SYNDIG1L: variants seen among roughly 807,000 people sequenced by gnomAD.
SYNDIG1L encodes the protein synapse differentiation-inducing gene protein 1-like.
Under a neutral mutation model 20.1 loss-of-function variants are expected in SYNDIG1L, and 13 were observed. The ratio of observed to expected loss-of-function variants is 0.65; its 90% CI spans 0.42 to 1.03. The LOEUF (loss-of-function observed/expected upper bound fraction) is 1.03. SYNDIG1L is among the 50% of genes least tolerant of loss of function. SYNDIG1L has a pLI of 0.00. For missense variants in SYNDIG1L, 294 were observed against 305.1 expected, an observed-to-expected ratio of 0.96 and a Z score of 0.27; for synonymous variants, 128 against 129.3, an observed-to-expected ratio of 0.99 and a Z score of 0.07.
At chr14:74,460,642 T>C in the SYNDIG1L span, among the ~76,000 whole-genome samples, 3 of 152,288 alleles carry the variant, frequency 2.0e-5, no homozygotes, top group African/African-American at 7.2e-5. Flanking sequence ...CCTGGGCCCA[T>C]GTTCCATTTC....
chr14:74,430,973 A>C (rs1417961598), upstream of SYNDIG1L, among the ~76,000 whole-genome samples: 1 of 152,342 alleles, frequency 6.6e-6, no homozygotes, highest in African/African-American at 2.4e-5. Flanking sequence ...ACTTGGAAAA[A>C]ATAGTCAGAG....
At chr14:74,416,416 T>C (rs1467673903) in intron 1 of SYNDIG1L, among the ~76,000 whole-genome samples, 1 of 152,120 alleles carries the variant, frequency 6.6e-6, no homozygotes, top group Non-Finnish European at 1.5e-5. Context: ...GGTGGATCAG[T>C]TGAGCCTAGG....
chr14:74,432,866 A>T, the SYNDIG1L span, among the ~76,000 whole-genome samples: 2 of 151,368 alleles, frequency 1.3e-5, no homozygotes, highest in Non-Finnish European at 3.0e-5. Context: ...AAAAAAAAAG[A>T]GACAGAAGGA....
At chr14:74,441,914 T>C in the SYNDIG1L span, among the ~76,000 whole-genome samples, 1 of 152,252 alleles carries the variant, frequency 6.6e-6, no homozygotes, top group African/African-American at 2.4e-5. Context: ...CTTAGAAAGC[T>C]GTGAGTAGGT....
chr14:74,439,114 C>CAAA, the SYNDIG1L span, among the ~76,000 whole-genome samples: 2 of 65,068 alleles, frequency 3.1e-5, no homozygotes, highest in Admixed American at 3.3e-4. Context: ...AACTCTGTCT[C>CAAA]AAAAAAAAAA....
At chr14:74,425,518 T>C (rs2086257331) in intron 1 of SYNDIG1L, among the ~76,000 whole-genome samples, 1 of 152,110 alleles carries the variant, frequency 6.6e-6, no homozygotes. Context: ...CAGGTTTGGG[T>C]GCGAGAAGAG....
chr14:74,450,819 C>A, the SYNDIG1L span, among the ~76,000 whole-genome samples: 1 of 151,978 alleles, frequency 6.6e-6, no homozygotes, highest in Non-Finnish European at 1.5e-5. Context: ...ATTATTTAAA[C>A]GGGCAAAATA....
chr14:74,439,145 G>A, the SYNDIG1L span, among the ~76,000 whole-genome samples: 7 of 149,740 alleles, frequency 4.7e-5, no homozygotes, highest in Non-Finnish European at 7.4e-5. Context: ...GGCTCAGCTC[G>A]GGGGTTTCCT....
At chr14:74,447,477 C>T in the SYNDIG1L span, among the ~76,000 whole-genome samples, 2 of 151,934 alleles carry the variant, frequency 1.3e-5, no homozygotes, top group African/African-American at 2.4e-5. Flanking sequence ...ATCCCAGCTA[C>T]TTGAGAGGCT....
the SYNDIG1L span, among the ~76,000 whole-genome samples, chr14:74,463,756 A>G: frequency 5.3e-5 from 8 of 152,180 alleles, no homozygotes; most frequent in African/African-American, 1.9e-4. Flanking sequence ...CTTTAACAAC[A>G]AAATAGAAAA....
chr14:74,430,431 A>G (rs2086294280), upstream of SYNDIG1L, among the ~76,000 whole-genome samples: 1 of 133,876 alleles, frequency 7.5e-6, no homozygotes, highest in South Asian at 2.5e-4. Flanking sequence ...GAGCGGAAGA[A>G]TACGCATTCT....
At chr14:74,414,923 G>T (rs942814950) in intron 1 of SYNDIG1L, among the ~76,000 whole-genome samples, 1 of 152,174 alleles carries the variant, frequency 6.6e-6, no homozygotes, top group Non-Finnish European at 1.5e-5. Flanking sequence ...GTAAGAACTG[G>T]AGGGTCAGAA....
upstream of SYNDIG1L, among the ~76,000 whole-genome samples, chr14:74,426,513 TG>T (rs1383573702): frequency 6.6e-6 from 1 of 152,192 alleles, no homozygotes; most frequent in Non-Finnish European, 1.5e-5. Context: ...TGAAGCATTT[TG>T]GAGCTCCTAG....
At chr14:74,409,249 T>G in intron 2 of SYNDIG1L, 79 bp downstream of exon 2, 1 of 1,152,280 alleles carries the variant, frequency 8.7e-7, no homozygotes, top group Non-Finnish European at 1.2e-6. Flanking sequence ...AGGCTAATTT[T>G]CAATTTTTTT....
At chr14:74,444,318 C>G in the SYNDIG1L span, among the ~76,000 whole-genome samples, 7 of 151,908 alleles carry the variant, frequency 4.6e-5, no homozygotes, top group East Asian at 1.4e-3. Flanking sequence ...CCTCGGCCTC[C>G]CAAAGTGCTG....
chr14:74,470,998 G>T, the SYNDIG1L span, among the ~76,000 whole-genome samples: 2 of 152,260 alleles, frequency 1.3e-5, no homozygotes, highest in Admixed American at 6.5e-5. Context: ...AACGGACACA[G>T]CCCCATCTTC....
the SYNDIG1L span, among the ~76,000 whole-genome samples, chr14:74,458,694 A>G: frequency 0.55 from 83,338 of 150,808 alleles, 23,845 homozygotes; most frequent in African/African-American, 0.71. Flanking sequence ...TTATAGCATC[A>G]CCCAGAAAAT....
At chr14:74,462,367 C>A in the SYNDIG1L span, among the ~76,000 whole-genome samples, 2 of 151,660 alleles carry the variant, frequency 1.3e-5, no homozygotes, top group Non-Finnish European at 2.9e-5. Context: ...GCCTGTAGTT[C>A]CAGCTACTTG....
the SYNDIG1L span, among the ~76,000 whole-genome samples, chr14:74,450,098 C>A: frequency 3.3e-5 from 5 of 151,972 alleles, no homozygotes; most frequent in African/African-American, 1.2e-4. Context: ...AATGTTATAC[C>A]AATAAATTTA....
Sources: allele counts gnomAD v4.1 joint callset (sites outside exome capture counted in the v4.1 genomes callset), GRCh38; gene constraint gnomAD v4.1.1; transcripts MANE v1.5; gene names NCBI Gene and HGNC (gene_info 2026-07-23, HGNC 2026-07-21).